PTK2: variants seen among roughly 807,000 people sequenced by gnomAD.
PTK2 encodes the protein protein tyrosine kinase 2.
A neutral mutation model predicts 150.1 loss-of-function variants in PTK2; 45 were observed. The ratio of observed to expected loss-of-function variants is 0.30; its 90% CI spans 0.24 to 0.38. The LOEUF is 0.38. PTK2 is among the 10% of genes least tolerant of loss of function. PTK2 has a pLI of 1.00. For missense variants in PTK2, 919 were observed against 1,307.3 expected (o/e 0.70, Z 4.58); for synonymous variants, 432 against 449.2 (o/e 0.96, Z 0.48).
chr8:140,668,960 T>TGCACTTTA (rs1563942257), intron 29 of PTK2: 1 of 154,020 alleles, frequency 6.5e-6, no homozygotes, highest in Non-Finnish European at 1.4e-5. Context: ...TTTAAGGGGA[T>TGCACTTTA]AGCATCTGTT....
At chr8:140,848,674 C>T (rs2100127190) in intron 5 of PTK2, among the ~76,000 whole-genome samples, 3 of 152,148 alleles carry the variant, frequency 2.0e-5, no homozygotes, top group Admixed American at 6.5e-5. Context: ...AGTAGAAGCT[C>T]TTGTTTCTAC....
chr8:140,826,902 A>G (rs1027268445), intron 8 of PTK2, among the ~76,000 whole-genome samples: 1 of 152,102 alleles, frequency 6.6e-6, no homozygotes, highest in Non-Finnish European at 1.5e-5. Flanking sequence ...TGGGCGACGG[A>G]GTGAGACCCT....
chr8:140,719,580 T>C (rs1391916005), intron 22 of PTK2, among the ~76,000 whole-genome samples: 1 of 152,212 alleles, frequency 6.6e-6, no homozygotes, highest in East Asian at 1.9e-4. Flanking sequence ...GCATCTGCTA[T>C]AAGCGTTAGT....
intron 1 of PTK2, among the ~76,000 whole-genome samples, chr8:140,944,053 C>T (rs186654784): frequency 1.5e-4 from 23 of 152,152 alleles, no homozygotes; most frequent in African/African-American, 4.6e-4. Flanking sequence ...TACTTGCCAC[C>T]CCAACTCACA....
intron 23 of PTK2, among the ~76,000 whole-genome samples, chr8:140,714,420 G>C (rs879894199): frequency 6.7e-6 from 1 of 150,364 alleles, no homozygotes; most frequent in African/African-American, 2.5e-5. Flanking sequence ...CAGCTCAAGA[G>C]AGCTTGGGCA....
intron 8 of PTK2, 133 bp downstream of exon 8, chr8:140,830,339 C>T (rs2100114647): frequency 1.6e-6 from 1 of 615,430 alleles, no homozygotes; most frequent in Admixed American, 3.7e-5. Flanking sequence ...GAATAAATGT[C>T]AGCTTTTTAA....
At chr8:140,740,080 C>G (rs2100054843) in intron 20 of PTK2, among the ~76,000 whole-genome samples, 1 of 152,156 alleles carries the variant, frequency 6.6e-6, no homozygotes, top group Admixed American at 6.5e-5. Context: ...AAATCAGCTC[C>G]CTTTTCAGGC....
At chr8:140,877,285 C>T (rs2100146204) in intron 4 of PTK2, among the ~76,000 whole-genome samples, 1 of 152,142 alleles carries the variant, frequency 6.6e-6, no homozygotes, top group African/African-American at 2.4e-5. Flanking sequence ...TTGCCTGCCT[C>T]AGCCTCTCAA....
At chr8:140,706,830 A>C (rs1425258678) in intron 23 of PTK2, among the ~76,000 whole-genome samples, 3 of 152,238 alleles carry the variant, frequency 2.0e-5, no homozygotes, top group Admixed American at 6.5e-5. Flanking sequence ...GAGGAATTAG[A>C]GGCCAGCCTG....
In PTK2 at chr8:140,706,101, C is replaced by G. The variant is rs558783378; in HGVS notation, c.2229+18G>C. Reference sequence around the variant, plus strand: ...AATAATAAAATAACACAGTTTATATCTGTAATGACTGGCATACCTGGTAAT... The same window carrying G: ...AATAATAAAATAACACAGTTTATATGTGTAATGACTGGCATACCTGGTAAT... On this transcript the variant is annotated intron_variant, in intron 24 of 31. Transcript: ENST00000522684. The G allele has an allele frequency of 3.8e-6, 6 of 1,568,450 alleles. 1 individual carries two copies. The African/African-American group carries it at 4.1e-5, about 11-fold the overall frequency.
rs542792690 is a variant in PTK2, at chr8:140,879,160, T to C, written c.362+311A>G. Reference sequence around the variant, plus strand: ...ATATATATATACATACACACACACATATATATATGATTTGAGTTTTATTGG... The same window carrying C: ...ATATATATATACATACACACACACACATATATATGATTTGAGTTTTATTGG... On this transcript the variant is annotated intron_variant, in intron 4 of 31. Coordinates refer to ENST00000522684, the Ensembl canonical transcript of PTK2. The C allele has an allele frequency of 2.2e-3, 462 of 206,924 alleles. 3 individuals are homozygous for C. The highest frequency in any genetic ancestry group is 0.01 in the African/African-American group (432 of 42,672). The allele number at this position is 206,924 out of a possible 1,614,324, so 12.8% of individuals were successfully genotyped here.
At position 140,902,935 on chromosome 8, in the gene PTK2, T is replaced by TTG. The variant is rs1568515113; in HGVS notation, c.-32-12167_-32-12166insCA. ...CTCTGATGAGAGTTGTTTTTTTTTT[T>TTG]TTTTTTTTTTTTTTTTTTTTTTTTG... On this transcript the variant is annotated intron_variant, in intron 2 of 31. Transcript: ENST00000522684. 3.9e-4 allele frequency among the ~76,000 whole-genome samples: 54 copies of TTG among 136,964 alleles called. 1 individual carries two copies. Among genetic ancestry groups the TTG allele is most frequent in the East Asian group, 1.5e-3 (7 of 4,588 alleles). 89.9% of individuals were successfully genotyped at this position (136,964 alleles called of 152,430 possible). A position where few individuals can be genotyped will look rare whatever the true frequency, so the allele number is the denominator to read the frequency against.
chr8:140,848,503 A>T (rs1346314738), intron 5 of PTK2, among the ~76,000 whole-genome samples: 2 of 152,150 alleles, frequency 1.3e-5, no homozygotes, highest in Non-Finnish European at 2.9e-5. Context: ...TGGGTACATA[A>T]ATGTTATTTT....
At chr8:140,925,295 A>T (rs920301536) in intron 2 of PTK2, among the ~76,000 whole-genome samples, 1 of 152,168 alleles carries the variant, frequency 6.6e-6, no homozygotes, top group East Asian at 1.9e-4. Flanking sequence ...TGTTTGCATT[A>T]ATCAGGGAGT....
intron 24 of PTK2, among the ~76,000 whole-genome samples, chr8:140,705,586 A>G (rs886197993): frequency 1.3e-5 from 2 of 152,224 alleles, no homozygotes; most frequent in Admixed American, 1.3e-4. Flanking sequence ...AGACCTGTGC[A>G]TTGTAAGGTA....
At chr8:140,977,683 T>C (rs1307207458) in intron 1 of PTK2, among the ~76,000 whole-genome samples, 1 of 151,424 alleles carries the variant, frequency 6.6e-6, no homozygotes, top group African/African-American at 2.4e-5. Context: ...AGTGACAGAA[T>C]GAGACTTTGC....
chr8:140,929,556 G>T (rs1365074548), intron 1 of PTK2, among the ~76,000 whole-genome samples: 1 of 152,016 alleles, frequency 6.6e-6, no homozygotes, highest in Non-Finnish European at 1.5e-5. Context: ...TCATTTTCAA[G>T]AAAAAGAAAA....
At chr8:140,713,755 A>G (rs2100038013) in intron 23 of PTK2, among the ~76,000 whole-genome samples, 1 of 152,208 alleles carries the variant, frequency 6.6e-6, no homozygotes, top group Non-Finnish European at 1.5e-5. Flanking sequence ...AAGTTCTCTA[A>G]ATATTATTAT....
intron 22 of PTK2, among the ~76,000 whole-genome samples, chr8:140,734,486 T>C (rs571422259): frequency 1.3e-5 from 2 of 152,114 alleles, no homozygotes; most frequent in South Asian, 4.2e-4. Flanking sequence ...CGTCAAGAGC[T>C]CTGAGTGTAG....
Sources: allele counts gnomAD v4.1 joint callset (sites outside exome capture counted in the v4.1 genomes callset), GRCh38; gene constraint gnomAD v4.1.1; transcripts MANE v1.5; gene names NCBI Gene and HGNC (gene_info 2026-07-23, HGNC 2026-07-21).